Variants in NVL observed in about 807,000 individuals in gnomAD.
The protein encoded by NVL is nuclear valosin-containing protein-like.
Under a neutral mutation model 110.2 loss-of-function variants are expected in NVL, and 84 were observed. The ratio of observed to expected loss-of-function variants is 0.76; its 90% CI spans 0.64 to 0.91. The LOEUF (loss-of-function observed/expected upper bound fraction) is 0.91, where lower values mean the gene tolerates loss of function less well. Among genes scored for constraint, NVL ranks in the 40% least tolerant of loss-of-function variants. NVL has a pLI of 0.00. For synonymous variants in NVL, 354 were observed against 361.1 expected, an observed-to-expected ratio of 0.98 and a Z score of 0.22; for missense variants, 882 against 1,035.9, an observed-to-expected ratio of 0.85 and a Z score of 2.04.
At chr1:224,285,194 TG>T (rs1257811478) in intron 15 of NVL, among the ~76,000 whole-genome samples, 1 of 152,136 alleles carries the variant, frequency 6.6e-6, no homozygotes, top group Non-Finnish European at 1.5e-5. Context: ...CCCAGCACTT[TG>T]GGAGGCCGAG....
chr1:224,282,139 C>T lies in NVL; in HGVS notation c.1900-954G>A, dbSNP rs1666422248. On this transcript the variant is annotated intron_variant, in intron 15 of 22. Transcript: ENST00000281701. ...GCAGTGCAGTGATGAGATCACCACT[C>T]ACTGCAGTCTTGACTTCCCAGGTTC... Among the ~76,000 whole-genome samples, 4 of 150,550 alleles carry T rather than the reference C, an allele frequency of 2.7e-5. No individual in the cohort carries two copies. In the South Asian group the frequency reaches 8.4e-4, roughly 32 times the overall value.
intron 14 of NVL, among the ~76,000 whole-genome samples, chr1:224,287,049 A>T (rs868757112): frequency 6.6e-6 from 1 of 152,232 alleles, no homozygotes. Context: ...AACCAAAAGG[A>T]TCAGCATAAA....
At chr1:224,304,665 G>A in intron 8 of NVL, 71 bp downstream of exon 8, 1 of 1,302,806 alleles carries the variant, frequency 7.7e-7, no homozygotes, top group Non-Finnish European at 1.1e-6. Context: ...TAGAAACAAA[G>A]AGGTAGGCTT....
chr1:224,286,018 T>C lies in NVL; in HGVS notation c.1899+8A>G, dbSNP rs1461414938. ...AATAAATTACATGCAATTGAACTTA[T>C]ATGATACCTTCGCCAGCAGAGTCTT... On this transcript the variant is annotated splice_region_variant and intron_variant, in intron 15 of 22. Coordinates refer to ENST00000281701, the MANE Select transcript of NVL (RefSeq NM_002533.4). 2 of 1,604,732 alleles carry C rather than the reference T, an allele frequency of 1.2e-6. No homozygotes were observed. The highest frequency in any genetic ancestry group is 1.7e-6 in the Non-Finnish European group (2 of 1,171,584).
chr1:224,246,864 C>T (rs1201382498), intron 19 of NVL, among the ~76,000 whole-genome samples: 1 of 151,704 alleles, frequency 6.6e-6, no homozygotes, highest in Non-Finnish European at 1.5e-5. Context: ...GGTAAAACCC[C>T]GTCTCTACTA....
rs531823074 is a variant in NVL at position 224,262,691 on chromosome 1, T to G, written c.2182+5343A>C. 3.3e-5 allele frequency among the ~76,000 whole-genome samples: 5 copies of G among 152,210 alleles called. No individual in the cohort carries two copies. In the East Asian group the frequency reaches 9.6e-4, roughly 29 times the overall value. The stretch of plus-strand genomic sequence containing the variant: ...CAAACAAATGGAACTGGTACATCGT[T>G]TGAATAAATAACATCGACAGCTGTA... On this transcript the variant is annotated intron_variant, in intron 18 of 22. Transcript: ENST00000281701.
chr1:224,271,292 A>G (rs1438957855), intron 17 of NVL, among the ~76,000 whole-genome samples: 1 of 152,130 alleles, frequency 6.6e-6, no homozygotes, highest in East Asian at 1.9e-4. Context: ...CAGAAGTTCA[A>G]TACAAGCCTG....
chr1:224,327,613 T>C (rs1159338221), intron 1 of NVL, among the ~76,000 whole-genome samples: 2 of 151,966 alleles, frequency 1.3e-5, no homozygotes, highest in African/African-American at 4.8e-5. Flanking sequence ...TATGCAAACA[T>C]TCCAAAACCT....
At chr1:224,283,929 C>T (rs1666617877) in intron 15 of NVL, among the ~76,000 whole-genome samples, 1 of 152,164 alleles carries the variant, frequency 6.6e-6, no homozygotes. Flanking sequence ...ACACACAGCA[C>T]TATGGATATT....
At chr1:224,291,125 T>A (rs1667336531) in intron 12 of NVL, among the ~76,000 whole-genome samples, 1 of 152,264 alleles carries the variant, frequency 6.6e-6, no homozygotes. Flanking sequence ...GTAGCACTTA[T>A]TCAGAGGGCT....
intron 19 of NVL, among the ~76,000 whole-genome samples, 188 bp downstream of exon 19, chr1:224,250,024 T>C (rs957430821): frequency 5.9e-5 from 9 of 152,214 alleles, no homozygotes; most frequent in African/African-American, 2.2e-4. Flanking sequence ...ATTTCAAATA[T>C]GATCTGATGT....
intron 16 of NVL, among the ~76,000 whole-genome samples, chr1:224,279,414 CCCTG>C (rs1440976893): frequency 1.3e-5 from 2 of 152,102 alleles, no homozygotes; most frequent in Non-Finnish European, 2.9e-5. Flanking sequence ...CTTCCAGAGA[CCCTG>C]TCTCTCTCTC....
In NVL at chr1:224,268,128, C is replaced by A; in HGVS notation, c.2088G>T (p.Gly696=). The A allele has an allele frequency of 6.2e-7, 1 of 1,612,292 alleles. No individual in the cohort carries two copies. The highest frequency in any genetic ancestry group is 1.7e-5 in the Admixed American group (1 of 59,910). Residue 696 remains glycine, a synonymous_variant, in exon 18 of 23, where the codon GGG becomes GGT. Transcript: ENST00000281701. ...GCTGATTCACCACTCGGACACTTGCCCCTGTCTAAAAAGACATAAATCTGG... is the reference window on the plus strand; with the variant it reads ...GCTGATTCACCACTCGGACACTTGCACCTGTCTAAAAAGACATAAATCTGG... ...LCPRRSDRET[G]ASVRVVNQLL... is the part of the protein sequence containing the mutation.
chr1:224,325,906 C>A (rs927274399), intron 2 of NVL, among the ~76,000 whole-genome samples: 1 of 152,150 alleles, frequency 6.6e-6, no homozygotes, highest in Non-Finnish European at 1.5e-5. Context: ...CCCACCTCAG[C>A]CTCCCAAGTA....
chr1:224,256,648 T>C (rs566614315), intron 18 of NVL, among the ~76,000 whole-genome samples: 1 of 152,184 alleles, frequency 6.6e-6, no homozygotes, highest in Non-Finnish European at 1.5e-5. Flanking sequence ...TTCTGGACAC[T>C]TTATATAAAT....
chr1:224,285,522 C>A (rs1279287319), intron 15 of NVL, among the ~76,000 whole-genome samples: 1 of 152,080 alleles, frequency 6.6e-6, no homozygotes, highest in Non-Finnish European at 1.5e-5. Flanking sequence ...GATATGTATG[C>A]ATAGAAAAAT....
intron 18 of NVL, among the ~76,000 whole-genome samples, chr1:224,267,694 A>G (rs1664630701): frequency 6.6e-6 from 1 of 151,888 alleles, no homozygotes; most frequent in Admixed American, 6.6e-5. Flanking sequence ...CTCAAAAAAA[A>G]AAAAAAAAAA....
intron 19 of NVL, among the ~76,000 whole-genome samples, chr1:224,240,216 C>G (rs531729502): frequency 1.2e-3 from 183 of 152,086 alleles, no homozygotes; most frequent in African/African-American, 4.3e-3. Flanking sequence ...TACAGTTGCC[C>G]GCCACCACGC....
At chr1:224,280,748 C>A (rs1293735018) in intron 16 of NVL, among the ~76,000 whole-genome samples, 1 of 152,048 alleles carries the variant, frequency 6.6e-6, no homozygotes, top group East Asian at 1.9e-4. Context: ...TTCTTAAATG[C>A]AGAAGGAAGA....
Sources: allele counts gnomAD v4.1 joint callset (sites outside exome capture counted in the v4.1 genomes callset), GRCh38; gene constraint gnomAD v4.1.1; transcripts MANE v1.5; gene names NCBI Gene and HGNC (gene_info 2026-07-23, HGNC 2026-07-21).